RBFOX1: variants seen among roughly 807,000 people sequenced by gnomAD.
RBFOX1 encodes the protein RNA binding fox-1 homolog 1.
In RBFOX1, 8 loss-of-function variants were observed where a neutral mutation model predicts 57.7. That is an observed-to-expected ratio of 0.14 (90% CI 0.08 to 0.25). The LOEUF is 0.25. Among genes scored for constraint, RBFOX1 ranks in the 10% least tolerant of loss-of-function variants. RBFOX1 has a pLI of 1.00. For synonymous variants in RBFOX1, 326 were observed against 222.4 expected (o/e 1.47, Z -4.15); for missense variants, 611 against 548.5 (o/e 1.11, Z -1.14).
At chr16:5,349,214 C>G (rs1422542251) in intron 1 of RBFOX1, among the ~76,000 whole-genome samples, 1 of 152,162 alleles carries the variant, frequency 6.6e-6, no homozygotes, top group African/African-American at 2.4e-5. Flanking sequence ...CATATGAGTC[C>G]ACTTCTAGGA....
intron 1 of RBFOX1, among the ~76,000 whole-genome samples, chr16:5,260,235 A>G (rs1416531619): frequency 5.9e-5 from 9 of 152,130 alleles, no homozygotes; most frequent in African/African-American, 2.2e-4. Context: ...AATATGAAGG[A>G]CATTGGTGAC....
At chr16:5,933,175 A>C (rs2059101101) in intron 4 of RBFOX1, among the ~76,000 whole-genome samples, 1 of 152,176 alleles carries the variant, frequency 6.6e-6, no homozygotes, top group African/African-American at 2.4e-5. Context: ...TTTCCTTAGC[A>C]CGTTTGCATA....
chr16:5,414,967 C>G (rs1241367869), intron 1 of RBFOX1, among the ~76,000 whole-genome samples: 3 of 152,134 alleles, frequency 2.0e-5, no homozygotes, highest in South Asian at 2.1e-4. Context: ...TGTGCTTTTT[C>G]ATAACTTATA....
At chr16:6,207,930 A>G (rs1020104871) in intron 1 of RBFOX1, among the ~76,000 whole-genome samples, 5 of 152,088 alleles carry the variant, frequency 3.3e-5, no homozygotes, top group African/African-American at 1.2e-4. Context: ...ACTCCAAATT[A>G]TCGGTTTACT....
intron 2 of RBFOX1, among the ~76,000 whole-genome samples, chr16:6,513,561 C>G (rs569174877): frequency 1.4e-4 from 22 of 152,054 alleles, no homozygotes; most frequent in Non-Finnish European, 2.9e-4. Context: ...TGGTGAAAAC[C>G]TGTCTCTACT....
chr16:6,843,438 C>G (rs530549485), intron 3 of RBFOX1, among the ~76,000 whole-genome samples: 1 of 152,230 alleles, frequency 6.6e-6, no homozygotes, highest in Admixed American at 6.5e-5. Context: ...CCTGTAATCC[C>G]AGTACTTTGG....
intron 3 of RBFOX1, among the ~76,000 whole-genome samples, chr16:5,620,633 C>T (rs557743690): frequency 2.0e-5 from 3 of 152,066 alleles, no homozygotes; most frequent in Non-Finnish European, 4.4e-5. Context: ...CCCATAAGAA[C>T]AACAGTCTTG....
At chr16:7,122,529 A>C (rs2067418400) in intron 4 of RBFOX1, among the ~76,000 whole-genome samples, 1 of 152,200 alleles carries the variant, frequency 6.6e-6, no homozygotes, top group Non-Finnish European at 1.5e-5. Flanking sequence ...AATACCATTA[A>C]ACACCTAGTA....
At chr16:5,438,810 C>T (rs2067995452) in intron 1 of RBFOX1, among the ~76,000 whole-genome samples, 1 of 152,084 alleles carries the variant, frequency 6.6e-6, no homozygotes, top group Non-Finnish European at 1.5e-5. Flanking sequence ...GTCACGTGCT[C>T]AGCCATCTTG....
chr16:6,627,322 T>C (rs2098324257), intron 2 of RBFOX1, among the ~76,000 whole-genome samples: 1 of 152,182 alleles, frequency 6.6e-6, no homozygotes, highest in Non-Finnish European at 1.5e-5. Context: ...ATACCTTACC[T>C]ACTCTAGGTG....
intron 4 of RBFOX1, among the ~76,000 whole-genome samples, chr16:5,869,271 T>C (rs2343339): frequency 0.61 from 92,415 of 151,998 alleles, 28,389 homozygotes; most frequent in African/African-American, 0.63. Flanking sequence ...CTGAGACAGC[T>C]GTGTGTTTCC....
intron 1 of RBFOX1, among the ~76,000 whole-genome samples, chr16:5,318,601 A>C (rs1417975369): frequency 6.6e-6 from 1 of 152,100 alleles, no homozygotes; most frequent in Non-Finnish European, 1.5e-5. Flanking sequence ...ACAAACAAAA[A>C]AACAAAACAA....
At chr16:7,067,375 A>G (rs1367419563) in intron 4 of RBFOX1, among the ~76,000 whole-genome samples, 2 of 152,182 alleles carry the variant, frequency 1.3e-5, no homozygotes, top group Non-Finnish European at 2.9e-5. Flanking sequence ...GAATTTCAAC[A>G]AGAATCTCAC....
At chr16:6,309,732 A>G (rs1234100433) in intron 1 of RBFOX1, among the ~76,000 whole-genome samples, 1 of 152,114 alleles carries the variant, frequency 6.6e-6, no homozygotes, top group African/African-American at 2.4e-5. Context: ...GCTTCCCTAC[A>G]GAGGGAGGCT....
intron 4 of RBFOX1, among the ~76,000 whole-genome samples, chr16:7,506,258 T>C (rs377497760): frequency 1.3e-5 from 2 of 149,686 alleles, no homozygotes; most frequent in African/African-American, 4.9e-5. Flanking sequence ...AAAGTTTATA[T>C]GTTTATCTAA....
intron 1 of RBFOX1, among the ~76,000 whole-genome samples, chr16:5,348,595 A>G (rs748397859): frequency 2.0e-4 from 31 of 152,246 alleles, no homozygotes; most frequent in Non-Finnish European, 3.7e-4. Context: ...ACCCCCCATT[A>G]TTTCAACTCA....
At chr16:7,230,136 GCCT>G (rs1156584127) in intron 4 of RBFOX1, among the ~76,000 whole-genome samples, 2 of 149,466 alleles carry the variant, frequency 1.3e-5, no homozygotes, top group African/African-American at 2.4e-5. Flanking sequence ...GGGAAGGAAG[GCCT>G]CCTCATCCTT....
rs1411851264 is a variant in RBFOX1 at position 6,593,553 on chromosome 16, C to T, written c.-63-61050C>T. ...TCTAGAATCGAGGATTGTGGCTTTG[C>T]TTTGGTCCTATTTGTTTTCATTTGT... is the stretch of plus-strand genomic sequence containing the variant. On this transcript the variant is annotated intron_variant, in intron 2 of 15. Coordinates refer to ENST00000550418, the MANE Select transcript of RBFOX1 (RefSeq NM_018723.4). Among the ~76,000 whole-genome samples the T allele has an allele frequency of 4.6e-5, 7 of 152,186 alleles. 1 individual carries two copies. The East Asian group carries it at 1.2e-3, about 25-fold the overall frequency.
chr16:7,052,085 G>C lies in RBFOX1; in HGVS notation c.14G>C (p.Arg5Thr), dbSNP rs1241215973. 3 of 1,611,714 alleles carry C rather than the reference G, an allele frequency of 1.9e-6. No homozygotes were observed. Among genetic ancestry groups the C allele is most frequent in the East Asian group, 2.2e-5 (1 of 44,766 alleles). ...TCAAGACAACAGATGAATTGTGAAA[G>C]AGAGCAGCTAAGGGTAGGTGCACCT... MNCE[R>T]EQLRGNQEAA... Residue 5 changes from arginine to threonine, a missense_variant, in exon 4 of 16, where the codon AGA (arginine) becomes ACA (threonine). Arg to Thr is a moderately conservative substitution (Grantham distance 71, BLOSUM62 -1). Around this residue, in one of 3 missense-constraint regions of RBFOX1, gnomAD observed 245 missense variants for 159.1 expected, o/e 1.54. Transcript: ENST00000550418.
Sources: gnomAD v4.1 joint callset for allele counts (sites outside exome capture counted in the v4.1 genomes callset) on GRCh38, gnomAD v4.1.1 for gene constraint, gnomAD v4.1.1 regional missense constraint, MANE v1.5 for transcripts, NCBI Gene and HGNC (gene_info 2026-07-23, HGNC 2026-07-21) for gene names.